The following PAMR1 variants were observed in gnomAD, a reference collection of about 807,000 sequenced individuals.
PAMR1 encodes the protein peptidase domain containing associated with muscle regeneration 1, also known as inactive serine protease PAMR1.
A neutral mutation model predicts 81.8 loss-of-function variants in PAMR1; 88 were observed. The ratio of observed to expected loss-of-function variants is 1.08; its 90% CI spans 0.91 to 1.28. The LOEUF is 1.28. Ranked by LOEUF, PAMR1 falls within the 50% of genes most tolerant of loss-of-function variation. The pLI is 0.00. For missense variants in PAMR1, 935 were observed against 919.7 expected (o/e 1.02, Z -0.21); for synonymous variants, 336 against 345.3 (o/e 0.97, Z 0.30).
intron 6 of PAMR1, among the ~76,000 whole-genome samples, chr11:35,457,642 C>T (rs938655888): frequency 4.6e-5 from 7 of 152,036 alleles, no homozygotes; most frequent in Admixed American, 1.3e-4. Context: ...TCCTAGAAGC[C>T]GCCTGTTCGA....
Position 35,434,527 on chromosome 11 carries a change from G to A in PAMR1, c.1611C>T (p.Thr537=). ...CCTCTCTTACCTGTAGGCTCTGGATGGTCTTCTCATCCCGGTCATCATCCC... is the reference window on the plus strand; with the variant it reads ...CCTCTCTTACCTGTAGGCTCTGGATAGTCTTCTCATCCCGGTCATCATCCC... ...FYRDDDRDEK[T]IQSLQISAII... is the part of the protein sequence containing the mutation. The change falls in exon 10 of 11, where the codon ACC becomes ACT. Residue 537 remains threonine (T), a synonymous_variant. Coordinates refer to ENST00000619888, the MANE Select transcript of PAMR1 (RefSeq NM_001001991.3). 6.2e-7 allele frequency: 1 copy of A among 1,613,748 alleles called. No homozygotes were observed. The highest frequency in any genetic ancestry group is 8.5e-7 in the Non-Finnish European group (1 of 1,179,848).
intron 8 of PAMR1, among the ~76,000 whole-genome samples, chr11:35,436,527 C>T (rs543760993): frequency 6.6e-6 from 1 of 152,252 alleles, no homozygotes; most frequent in East Asian, 1.9e-4. Flanking sequence ...TCAAGCAATC[C>T]ACTCACCTTG....
chr11:35,520,692 C>T (rs1219909570), intron 1 of PAMR1, among the ~76,000 whole-genome samples: 2 of 152,170 alleles, frequency 1.3e-5, no homozygotes, highest in Non-Finnish European at 1.5e-5. Context: ...AGCTCCTCCC[C>T]AATGAGGGGG....
At chr11:35,527,479 C>T (rs1022953478), upstream of PAMR1, among the ~76,000 whole-genome samples, 3 of 152,064 alleles carry the variant, frequency 2.0e-5, no homozygotes, top group African/African-American at 4.8e-5. Flanking sequence ...ACTTCCATAT[C>T]GAGATGAAAT....
chr11:35,471,740 G>T (rs532195828), intron 4 of PAMR1, among the ~76,000 whole-genome samples: 11 of 152,242 alleles, frequency 7.2e-5, no homozygotes, highest in African/African-American at 2.4e-4. Flanking sequence ...TTAAGCCCCC[G>T]ATTCCAAGAG....
intron 6 of PAMR1, among the ~76,000 whole-genome samples, chr11:35,464,675 A>T (rs925429546): frequency 3.9e-5 from 6 of 152,318 alleles, no homozygotes; most frequent in African/African-American, 1.4e-4. Flanking sequence ...AGGTTTGCAT[A>T]CCGCAGAAAA....
chr11:35,492,246 A>G lies in PAMR1; in HGVS notation c.251-73T>C, dbSNP rs540277902. 68 of 1,530,114 alleles carry G rather than the reference A, an allele frequency of 4.4e-5. 1 individual carries two copies. In the South Asian group the frequency reaches 6.8e-4, roughly 15 times the overall value. 94.8% of individuals were successfully genotyped at this position (1,530,114 alleles called of 1,614,324 possible). A position where few individuals can be genotyped will look rare whatever the true frequency, so the allele number is the denominator to read the frequency against. ...TTCTGATCAGCTGCATGGGAGCACA[A>G]CTGCACCTTCTCAGGGCCCTGTCTC... On this transcript the variant is annotated intron_variant, in intron 2 of 10. Coordinates refer to ENST00000619888, the MANE Select transcript of PAMR1 (RefSeq NM_001001991.3).
intron 1 of PAMR1, among the ~76,000 whole-genome samples, chr11:35,521,920 T>TTTTG (rs1565365061): frequency 6.6e-6 from 1 of 151,992 alleles, no homozygotes; most frequent in African/African-American, 2.4e-5. Flanking sequence ...GTTTGGTTTT[T>TTTTG]TTTTGTTTTG....
At chr11:35,490,816 G>A (rs1051859905) in intron 3 of PAMR1, among the ~76,000 whole-genome samples, 1 of 152,174 alleles carries the variant, frequency 6.6e-6, no homozygotes, top group African/African-American at 2.4e-5. Context: ...GAAGTTGGTA[G>A]CATTATTCTC....
At chr11:35,442,766 C>G (rs570570818) in intron 6 of PAMR1, among the ~76,000 whole-genome samples, 1 of 152,146 alleles carries the variant, frequency 6.6e-6, no homozygotes, top group African/African-American at 2.4e-5. Context: ...CACACACCAG[C>G]TAATTTTTGT....
At chr11:35,497,277 A>T (rs1184566228) in intron 1 of PAMR1, among the ~76,000 whole-genome samples, 2 of 152,218 alleles carry the variant, frequency 1.3e-5, no homozygotes, top group African/African-American at 4.8e-5. Flanking sequence ...AGGTGCTACA[A>T]TGTAAATGAA....
At chr11:35,493,881 T>A (rs1267149674) in intron 2 of PAMR1, among the ~76,000 whole-genome samples, 1 of 152,258 alleles carries the variant, frequency 6.6e-6, no homozygotes, top group Non-Finnish European at 1.5e-5. Flanking sequence ...AATGAGTGAA[T>A]GAATTCAAAG....
At chr11:35,471,212 C>T (rs1016642205) in intron 4 of PAMR1, among the ~76,000 whole-genome samples, 21 of 152,134 alleles carry the variant, frequency 1.4e-4, no homozygotes, top group African/African-American at 5.1e-4. Flanking sequence ...CAAAGAAGAT[C>T]CCTTATTTTT....
chr11:35,521,017 T>C (rs1851262274), intron 1 of PAMR1, among the ~76,000 whole-genome samples: 1 of 152,206 alleles, frequency 6.6e-6, no homozygotes, highest in Admixed American at 6.5e-5. Flanking sequence ...CTTCTGCATA[T>C]TCCTGAGGGA....
intron 1 of PAMR1, among the ~76,000 whole-genome samples, chr11:35,498,671 C>T (rs1400727627): frequency 2.0e-5 from 3 of 152,162 alleles, no homozygotes; most frequent in Admixed American, 6.5e-5. Flanking sequence ...GCCTTTGAGG[C>T]CTATGCTCAC....
intron 1 of PAMR1, among the ~76,000 whole-genome samples, chr11:35,501,083 A>G (rs772333905): frequency 6.6e-6 from 1 of 152,032 alleles, no homozygotes; most frequent in Non-Finnish European, 1.5e-5. Flanking sequence ...CTTCAGTAAT[A>G]AATTAACCTT....
At chr11:35,449,074 G>A (rs1012815136) in intron 6 of PAMR1, among the ~76,000 whole-genome samples, 4 of 152,234 alleles carry the variant, frequency 2.6e-5, no homozygotes, top group Admixed American at 1.3e-4. Flanking sequence ...CCTGTATGAG[G>A]TGTCTGGCCA....
rs994176637 is a variant in PAMR1, at chr11:35,496,015, G to A, written c.74-1743C>T. 3.3e-5 allele frequency among the ~76,000 whole-genome samples: 5 copies of A among 152,214 alleles called. No individual in the cohort carries two copies. The South Asian group carries it at 1.0e-3, about 31-fold the overall frequency. ...ATCATCATAGCATAATCGCCACTGA[G>A]ATTTCTTTCCACCACTACTGTCTGA... On this transcript the variant is annotated intron_variant, in intron 1 of 10. Coordinates refer to ENST00000619888, the MANE Select transcript of PAMR1 (RefSeq NM_001001991.3).
At chr11:35,487,321 T>G (rs1191691530) in intron 3 of PAMR1, among the ~76,000 whole-genome samples, 1 of 152,174 alleles carries the variant, frequency 6.6e-6, no homozygotes, top group Non-Finnish European at 1.5e-5. Context: ...TGTGTTCCAT[T>G]ACTTCATTAC....
Sources: gnomAD v4.1 joint callset for allele counts (sites outside exome capture counted in the v4.1 genomes callset) on GRCh38, gnomAD v4.1.1 for gene constraint, MANE v1.5 for transcripts, NCBI Gene and HGNC (gene_info 2026-07-23, HGNC 2026-07-21) for gene names.